Variants in IL1RAPL2 observed in about 807,000 individuals in gnomAD.
IL1RAPL2 encodes the protein X-linked interleukin-1 receptor accessory protein-like 2.
IL1RAPL2 carries 3 observed loss-of-function variants against 44.1 expected under a neutral mutation model. That is an observed-to-expected ratio of 0.07 (90% confidence interval 0.03 to 0.18). The LOEUF is 0.18. Ranked by LOEUF, IL1RAPL2 falls within the 10% of genes least tolerant of loss-of-function variation. IL1RAPL2 has a pLI of 1.00. For synonymous variants in IL1RAPL2, 181 were observed against 178.8 expected (o/e 1.01, Z -0.10); for missense variants, 391 against 496.4 (o/e 0.79, Z 2.02).
chrX:105,594,069 T>C (rs2037191719), intron 6 of IL1RAPL2, among the ~76,000 whole-genome samples: 2 of 111,933 alleles, frequency 1.8e-5, no homozygotes, highest in African/African-American at 6.5e-5. Context: ...CTGAGAAAAA[T>C]TTAGGTTTTT....
intron 2 of IL1RAPL2, among the ~76,000 whole-genome samples, chrX:104,700,957 C>A (rs781656433): frequency 8.9e-6 from 1 of 111,824 alleles, no homozygotes; most frequent in East Asian, 2.8e-4. Context: ...TTGTAAAAAA[C>A]AATTCTTTGA....
chrX:105,398,225 C>T (rs768525315), intron 5 of IL1RAPL2, among the ~76,000 whole-genome samples: 9 of 110,882 alleles, frequency 8.1e-5, no homozygotes, highest in Non-Finnish European at 1.7e-4. Context: ...TGTACCTGCT[C>T]AGTTCTTCCA....
At chrX:105,125,243 C>T (rs1032339356) in intron 2 of IL1RAPL2, among the ~76,000 whole-genome samples, 1 of 110,840 alleles carries the variant, frequency 9.0e-6, no homozygotes, top group South Asian at 3.8e-4. Flanking sequence ...CACATATATT[C>T]CCAGAACTTA....
At chrX:104,935,871 G>A (rs773255648) in intron 2 of IL1RAPL2, among the ~76,000 whole-genome samples, 5 of 111,297 alleles carry the variant, frequency 4.5e-5, no homozygotes, top group Admixed American at 9.6e-5. Context: ...TCTACTAAGA[G>A]CAGAAAATTC....
chrX:105,301,032 CAAAT>C (rs2034693494), intron 5 of IL1RAPL2, among the ~76,000 whole-genome samples: 1 of 111,392 alleles, frequency 9.0e-6, no homozygotes, highest in African/African-American at 3.3e-5. Flanking sequence ...AAACTGTAGA[CAAAT>C]AAGAAAAACT....
At chrX:105,137,374 C>A (rs1021348214) in intron 2 of IL1RAPL2, among the ~76,000 whole-genome samples, 2 of 112,139 alleles carry the variant, frequency 1.8e-5, no homozygotes, top group African/African-American at 6.5e-5. Flanking sequence ...TTCCCTTGGA[C>A]AACTCTGTTC....
chrX:105,454,640 C>G (rs1291771822), intron 5 of IL1RAPL2, among the ~76,000 whole-genome samples: 3 of 111,709 alleles, frequency 2.7e-5, no homozygotes, highest in Admixed American at 1.9e-4. Flanking sequence ...ACCTTGTACC[C>G]TTAACCAACA....
intron 1 of IL1RAPL2, among the ~76,000 whole-genome samples, chrX:104,599,155 C>T (rs1490767109): frequency 2.7e-5 from 3 of 112,056 alleles, no homozygotes; most frequent in Admixed American, 9.5e-5. Flanking sequence ...TTATGTCCTC[C>T]ATAGGACCTG....
chrX:105,695,095 C>T (rs945720425), intron 6 of IL1RAPL2, among the ~76,000 whole-genome samples: 5 of 111,700 alleles, frequency 4.5e-5, no homozygotes, highest in African/African-American at 1.6e-4. Flanking sequence ...TATCTCCCCA[C>T]ATGGTATCTT....
At chrX:104,638,910 T>G (rs1929878921) in intron 1 of IL1RAPL2, among the ~76,000 whole-genome samples, 2 of 112,158 alleles carry the variant, frequency 1.8e-5, no homozygotes, top group Non-Finnish European at 3.8e-5. Context: ...ATAATGTTTC[T>G]CTGGTTTTTC....
At chrX:105,220,016 G>A (rs992954982) in intron 3 of IL1RAPL2, 8 of 1,209,381 alleles carry the variant, frequency 6.6e-6, no homozygotes, top group South Asian at 1.8e-5. Flanking sequence ...ATTCTTAGCC[G>A]GGAGGCCGCC....
At chrX:105,169,895 T>A (rs921882714) in intron 2 of IL1RAPL2, among the ~76,000 whole-genome samples, 4 of 103,367 alleles carry the variant, frequency 3.9e-5, no homozygotes, top group Non-Finnish European at 5.7e-5. Context: ...GGTGGGGAGG[T>A]AGGTTCTGCT....
Position 104,817,958 on chromosome X carries a change from G to A in IL1RAPL2, c.82+158963G>A, listed in dbSNP as rs1921182597. Among the ~76,000 whole-genome samples, 4 of 110,982 alleles carry A rather than the reference G, an allele frequency of 3.6e-5. No individual in the cohort carries two copies. The Admixed American group carries it at 3.9e-4, about 11-fold the overall frequency. ...CTGTGGTAGTGCCATTCATTGAGAT[G>A]GGGAAAAGTGAAGGAGGAATAGATT... On this transcript the variant is annotated intron_variant, in intron 2 of 10. Transcript: ENST00000372582.
chrX:105,111,491 T>C (rs2032801426), intron 2 of IL1RAPL2, among the ~76,000 whole-genome samples: 1 of 111,684 alleles, frequency 9.0e-6, no homozygotes, highest in African/African-American at 3.3e-5. Context: ...TACTGTATGC[T>C]AACAAAGAAA....
chrX:105,326,710 G>T (rs2034941952), intron 5 of IL1RAPL2, among the ~76,000 whole-genome samples: 1 of 110,803 alleles, frequency 9.0e-6, no homozygotes, highest in African/African-American at 3.3e-5. Context: ...TAAATGTAGG[G>T]TTTTTTTTAT....
At chrX:105,040,239 T>G (rs369289663) in intron 2 of IL1RAPL2, among the ~76,000 whole-genome samples, 218 of 111,625 alleles carry the variant, frequency 2.0e-3, no homozygotes, top group Non-Finnish European at 3.5e-3. Context: ...GCCCACTTGA[T>G]CATGGTGGAT....
At chrX:104,999,595 T>G (rs1420995538) in intron 2 of IL1RAPL2, among the ~76,000 whole-genome samples, 1 of 111,717 alleles carries the variant, frequency 9.0e-6, no homozygotes. Flanking sequence ...TATTTTTTAC[T>G]TTATTTAGGT....
At chrX:104,712,232 T>C (rs1931472989) in intron 2 of IL1RAPL2, among the ~76,000 whole-genome samples, 1 of 110,795 alleles carries the variant, frequency 9.0e-6, no homozygotes, top group African/African-American at 3.3e-5. Flanking sequence ...TGGAGCAGTC[T>C]GCCATTTTTG....
chrX:105,194,768 C>A (rs1179665595), intron 2 of IL1RAPL2, among the ~76,000 whole-genome samples: 1 of 111,693 alleles, frequency 9.0e-6, no homozygotes, highest in African/African-American at 3.3e-5. Context: ...CTACTTCCAA[C>A]CAGAGCATTT....
Sources: allele counts gnomAD v4.1 joint callset (sites outside exome capture counted in the v4.1 genomes callset), GRCh38; gene constraint gnomAD v4.1.1; transcripts MANE v1.5; gene names NCBI Gene and HGNC (gene_info 2026-07-23, HGNC 2026-07-21).